Variants in CHCHD3 observed in about 807,000 individuals in gnomAD.
The protein encoded by CHCHD3 is MICOS complex subunit MIC19.
A neutral mutation model predicts 38.2 loss-of-function variants in CHCHD3; 20 were observed. That is an observed-to-expected ratio of 0.52 (90% confidence interval 0.37 to 0.76). The LOEUF (loss-of-function observed/expected upper bound fraction) is 0.76, where lower values mean the gene tolerates loss of function less well. CHCHD3 is among the 30% of genes least tolerant of loss of function. The pLI, the probability that CHCHD3 is intolerant of heterozygous loss-of-function variation, is 0.00. For synonymous variants in CHCHD3, 82 were observed against 100.0 expected, an observed-to-expected ratio of 0.82 and a Z score of 1.07; for missense variants, 245 against 279.2, an observed-to-expected ratio of 0.88 and a Z score of 0.87.
chr7:132,980,533 A>G (rs916771123), intron 3 of CHCHD3, among the ~76,000 whole-genome samples: 2 of 152,188 alleles, frequency 1.3e-5, no homozygotes, highest in Non-Finnish European at 2.9e-5. Flanking sequence ...GTAGGAGTTT[A>G]GTGTAAACTT....
intron 4 of CHCHD3, among the ~76,000 whole-genome samples, chr7:132,939,876 C>T (rs78205560): frequency 0.023 from 3,459 of 152,272 alleles, 119 homozygotes; most frequent in African/African-American, 0.079. Context: ...TTAATCCAAA[C>T]TTGTTTTCCC....
At chr7:133,006,863 T>G (rs1812715122) in intron 3 of CHCHD3, among the ~76,000 whole-genome samples, 2 of 152,170 alleles carry the variant, frequency 1.3e-5, no homozygotes, top group Admixed American at 1.3e-4. Flanking sequence ...ACAATTAAGT[T>G]ATTTATATAT....
At chr7:132,813,797 G>A (rs1269022140) in intron 6 of CHCHD3, among the ~76,000 whole-genome samples, 1 of 152,194 alleles carries the variant, frequency 6.6e-6, no homozygotes, top group East Asian at 1.9e-4. Flanking sequence ...GGAGAAAGAG[G>A]AGGGCTGCTG....
intron 6 of CHCHD3, among the ~76,000 whole-genome samples, chr7:132,829,328 A>G (rs936479632): frequency 3.3e-5 from 5 of 152,182 alleles, no homozygotes; most frequent in Non-Finnish European, 7.4e-5. Flanking sequence ...TCATTTTGGC[A>G]GAATCTTCAT....
chr7:133,044,350 T>A (rs991805535), intron 2 of CHCHD3, among the ~76,000 whole-genome samples: 5 of 152,246 alleles, frequency 3.3e-5, no homozygotes, highest in African/African-American at 1.2e-4. Flanking sequence ...CAGTTGGGAA[T>A]GGTACAAAAT....
intron 2 of CHCHD3, among the ~76,000 whole-genome samples, chr7:133,058,154 A>G (rs1814394538): frequency 6.6e-6 from 1 of 152,212 alleles, no homozygotes; most frequent in Non-Finnish European, 1.5e-5. Flanking sequence ...TACCAAGGAA[A>G]AAGAAACAGG....
rs1433321933 is a variant in CHCHD3, at chr7:133,024,580, C to T, written c.217G>A (p.Glu73Lys). The change falls in exon 3 of 8, where the codon GAG (glutamate) becomes AAG (lysine). Residue 73 changes from glutamate to lysine, a missense_variant. Physicochemically the swap from Glu to Lys is moderately conservative, Grantham distance 56. Coordinates refer to ENST00000262570, the MANE Select transcript of CHCHD3 (RefSeq NM_017812.4). Reference protein sequence around the residue: ...KRRVAEELALEQAKKESEDQK... With the variant: ...KRRVAEELALKQAKKESEDQK... Reference sequence around the variant, plus strand: ...TCTTCGGATTCTTTCTTGGCTTGCTCCAATGCCAGCTCCTCAGCTACTCTT... The same window carrying T: ...TCTTCGGATTCTTTCTTGGCTTGCTTCAATGCCAGCTCCTCAGCTACTCTT... 6.2e-7 allele frequency: 1 copy of T among 1,613,860 alleles called. No homozygotes were observed. The highest frequency in any genetic ancestry group is 8.5e-7 in the Non-Finnish European group (1 of 1,179,788).
intron 4 of CHCHD3, among the ~76,000 whole-genome samples, chr7:132,903,306 AT>A (rs1809715178): frequency 6.6e-6 from 1 of 151,884 alleles, no homozygotes; most frequent in Admixed American, 6.6e-5. Flanking sequence ...TTTATTTTTT[AT>A]TTGTATTCTT....
intron 3 of CHCHD3, among the ~76,000 whole-genome samples, chr7:132,981,192 G>C (rs1359800377): frequency 6.6e-6 from 1 of 151,810 alleles, no homozygotes; most frequent in East Asian, 1.9e-4. Flanking sequence ...CGAGGTTTCA[G>C]CATGTTGTCC....
intron 4 of CHCHD3, among the ~76,000 whole-genome samples, chr7:132,946,190 G>GTA (rs1810896520): frequency 6.9e-6 from 1 of 145,834 alleles, no homozygotes; most frequent in African/African-American, 2.5e-5. Flanking sequence ...GTGTGTGTGT[G>GTA]TATACACACA....
intron 5 of CHCHD3, among the ~76,000 whole-genome samples, chr7:132,846,584 C>T (rs1460578279): frequency 6.6e-6 from 1 of 152,240 alleles, no homozygotes; most frequent in Non-Finnish European, 1.5e-5. Context: ...CCCACCTAGT[C>T]CATAAGCTCC....
chr7:133,036,398 T>C (rs1477878119), intron 2 of CHCHD3, among the ~76,000 whole-genome samples: 1 of 152,228 alleles, frequency 6.6e-6, no homozygotes, highest in Non-Finnish European at 1.5e-5. Flanking sequence ...TTTAAATTTA[T>C]ATGCATTTCA....
At chr7:133,026,828 T>C (rs1584653790) in intron 2 of CHCHD3, among the ~76,000 whole-genome samples, 1 of 152,104 alleles carries the variant, frequency 6.6e-6, no homozygotes, top group African/African-American at 2.4e-5. Context: ...GAAAAGTCCA[T>C]AGACACAGAA....
intron 4 of CHCHD3, among the ~76,000 whole-genome samples, chr7:132,904,096 A>C (rs1425846424): frequency 6.6e-6 from 1 of 151,920 alleles, no homozygotes; most frequent in East Asian, 1.9e-4. Context: ...ATCTCTACAA[A>C]AGATTTAAAA....
chr7:133,079,092 A>G (rs1353129002), intron 1 of CHCHD3, among the ~76,000 whole-genome samples: 1 of 152,182 alleles, frequency 6.6e-6, no homozygotes, highest in African/African-American at 2.4e-5. Context: ...AAACACCCTC[A>G]ATTAGGGCAG....
chr7:132,994,505 G>T (rs187519497), intron 3 of CHCHD3, among the ~76,000 whole-genome samples: 1 of 152,142 alleles, frequency 6.6e-6, no homozygotes, highest in Non-Finnish European at 1.5e-5. Context: ...AGTGATATCC[G>T]TTTTTGAAAG....
chr7:132,861,280 G>T (rs1305580494), intron 5 of CHCHD3, among the ~76,000 whole-genome samples: 1 of 152,152 alleles, frequency 6.6e-6, no homozygotes, highest in Non-Finnish European at 1.5e-5. Context: ...CGCTACCTCT[G>T]CTATTCTTTG....
chr7:133,081,593 GA>G (rs1211808094), intron 1 of CHCHD3, among the ~76,000 whole-genome samples: 3 of 152,298 alleles, frequency 2.0e-5, no homozygotes, highest in African/African-American at 7.2e-5. Context: ...GTTACGAGTA[GA>G]CTGTGAGCCC....
intron 2 of CHCHD3, among the ~76,000 whole-genome samples, chr7:133,038,088 A>C (rs1813729707): frequency 6.6e-6 from 1 of 152,220 alleles, no homozygotes; most frequent in Non-Finnish European, 1.5e-5. Context: ...AACCATTCTT[A>C]TACCAAAGAG....
Sources: allele counts gnomAD v4.1 joint callset (sites outside exome capture counted in the v4.1 genomes callset), GRCh38; gene constraint gnomAD v4.1.1; transcripts MANE v1.5; gene names NCBI Gene and HGNC (gene_info 2026-07-23, HGNC 2026-07-21).